The following KDM2B variants were observed in gnomAD, a reference collection of about 807,000 sequenced individuals.
KDM2B encodes the protein lysine-specific demethylase 2B.
In KDM2B, 26 loss-of-function variants were observed where a neutral mutation model predicts 150.0. The observed-to-expected ratio is 0.17, with a 90% CI of 0.13 to 0.24. KDM2B has a LOEUF of 0.24. Among genes scored for constraint, KDM2B ranks in the 10% least tolerant of loss-of-function variants. The pLI is 1.00. For synonymous variants in KDM2B, 734 were observed against 729.5 expected (o/e 1.01, Z -0.10); for missense variants, 1,265 against 1,816.9 (o/e 0.70, Z 5.52).
rs76794696 is a variant in KDM2B, at chr12:121,522,681, C to T, written c.932-1581G>A. On this transcript the variant is annotated intron_variant, in intron 8 of 22. Coordinates refer to ENST00000377071, the MANE Select transcript of KDM2B (RefSeq NM_032590.5). The stretch of plus-strand genomic sequence containing the variant: ...TGGTCAATATGGCGAAACCCCGTCT[C>T]CACTAAAAATACAAAAATTAGCCAG... Among the ~76,000 whole-genome samples, 4 of 152,108 alleles carry T rather than the reference C, an allele frequency of 2.6e-5. No individual in the cohort carries two copies. The East Asian group carries it at 7.7e-4, about 29-fold the overall frequency.
intron 12 of KDM2B, chr12:121,469,572 T>G (rs1555295531): frequency 6.7e-6 from 1 of 149,840 alleles, no homozygotes; most frequent in Non-Finnish European, 1.5e-5. Context: ...GGGCCAAGAT[T>G]GTGCCACTGC....
chr12:121,572,155 G>A (rs1420401622), intron 4 of KDM2B, among the ~76,000 whole-genome samples: 3 of 152,102 alleles, frequency 2.0e-5, no homozygotes, highest in Non-Finnish European at 4.4e-5. Flanking sequence ...TCATAATCAC[G>A]CCGCTGCACT....
intron 4 of KDM2B, among the ~76,000 whole-genome samples, chr12:121,570,845 T>C (rs1417430086): frequency 1.3e-5 from 2 of 152,228 alleles, no homozygotes; most frequent in Non-Finnish European, 2.9e-5. Context: ...TGAAGATGCA[T>C]GTTCAACAAA....
rs1210042996 is a variant in KDM2B at position 121,453,080 on chromosome 12, G to GCCTGAATCTGC, written c.1959+39_1959+40insGCAGATTCAGG. The GCCTGAATCTGC allele has an allele frequency of 2.0e-6, 3 of 1,534,174 alleles. No homozygotes were observed. In the African/African-American group the frequency reaches 4.1e-5, roughly 21 times the overall value. Reference sequence around the variant, plus strand: ...CAGACACGCGGGCCGGCACGCAGGGGCCTGAATCGAGCGCAGGGCTGGGCG... The same window carrying GCCTGAATCTGC: ...CAGACACGCGGGCCGGCACGCAGGGGCCTGAATCTGCCCTGAATCGAGCGCAGGGCTGGGCG... On this transcript the variant is annotated intron_variant, in intron 13 of 22. Transcript: ENST00000377071. The surrounding 1 kb of genome is among the most constrained non-coding windows in gnomAD (Gnocchi z 6.4).
chr12:121,487,660 C>T (rs1317734525), intron 12 of KDM2B, among the ~76,000 whole-genome samples: 3 of 152,184 alleles, frequency 2.0e-5, no homozygotes, highest in African/African-American at 4.8e-5. Context: ...CTACCCTGAC[C>T]CAGTAGAGAA....
chr12:121,429,746 TCAAAA>T lies in KDM2B; in HGVS notation c.*537_*541del. On this transcript the variant is annotated 3_prime_UTR_variant, in exon 23 of 23. Transcript: ENST00000377071. ...AAGGAAATCAGGAAAATTGGCAATC[TCAAAA>T]CAATAAAAACACTGGTATGCATTCA... 1 of 470,454 alleles carries T rather than the reference TCAAAA, an allele frequency of 2.1e-6. No individual in the cohort carries two copies. The highest frequency in any genetic ancestry group is 3.7e-6 in the Non-Finnish European group (1 of 267,970). The allele number at this position is 470,454 out of a possible 1,614,324, so 29.1% of individuals were successfully genotyped here. A position where few individuals can be genotyped will look rare whatever the true frequency, so the allele number is the denominator to read the frequency against.
intron 22 of KDM2B, among the ~76,000 whole-genome samples, chr12:121,436,247 C>T (rs374980306): frequency 3.9e-5 from 6 of 152,308 alleles, no homozygotes; most frequent in South Asian, 4.1e-4. Context: ...TGTGGCCGGA[C>T]GCGGTGGCTC....
Position 121,442,219 on chromosome 12 carries a change from G to C in KDM2B, c.3222C>G (p.Phe1074Leu), listed in dbSNP as rs781933152. Residue 1074 changes from phenylalanine to leucine, a missense_variant, in exon 19 of 23, where the codon TTC (phenylalanine) becomes TTG (leucine). Phe to Leu is a conservative substitution (Grantham distance 22). Coordinates refer to ENST00000377071, the MANE Select transcript of KDM2B (RefSeq NM_032590.5). This position sits in a 1 kb window ranked among gnomAD's most constrained non-coding sequence, Gnocchi z 7.7. ...VMHREVWMAV[F>L]SYLSHQDLCV... ...ACAGGTCTTGGTGGCTGAGGTAGCTGAAGACGGCCATCCACACCTCCCTGT... is the reference window on the plus strand; with the variant it reads ...ACAGGTCTTGGTGGCTGAGGTAGCTCAAGACGGCCATCCACACCTCCCTGT... 117 of 1,613,324 alleles carry C rather than the reference G, an allele frequency of 7.3e-5. No individual in the cohort carries two copies. The highest frequency in any genetic ancestry group is 9.1e-5 in the Non-Finnish European group (107 of 1,180,036).
chr12:121,470,304 C>T (rs1880634395), intron 12 of KDM2B: 1 of 152,146 alleles, frequency 6.6e-6, no homozygotes, highest in East Asian at 1.9e-4. Context: ...AAAGTGCGGA[C>T]AAACAAAAAA....
chr12:121,581,262 G>C (rs1008890691), upstream of KDM2B: 3 of 218,166 alleles, frequency 1.4e-5, no homozygotes, highest in Admixed American at 1.2e-4. Context: ...CAGGAGCGAA[G>C]GGTAAGCCCT....
intron 12 of KDM2B, among the ~76,000 whole-genome samples, chr12:121,488,868 G>A (rs1013057321): frequency 3.3e-5 from 5 of 152,040 alleles, no homozygotes; most frequent in African/African-American, 7.2e-5. Flanking sequence ...GCAATGGCGC[G>A]ATCTTGGCTC....
intron 6 of KDM2B, among the ~76,000 whole-genome samples, chr12:121,545,001 T>A (rs1352670308): frequency 7.5e-6 from 1 of 133,292 alleles, no homozygotes; most frequent in Admixed American, 7.1e-5. Context: ...CGTGTGTCTG[T>A]GTCACTTCTC....
At chr12:121,496,072 T>G (rs1555300922) in intron 11 of KDM2B, among the ~76,000 whole-genome samples, 2 of 152,036 alleles carry the variant, frequency 1.3e-5, no homozygotes, top group Non-Finnish European at 2.9e-5. Flanking sequence ...ATCTAACAGC[T>G]AACTTACAGG....
At chr12:121,426,194 T>C (rs1053155069), downstream of KDM2B, among the ~76,000 whole-genome samples, 2 of 152,198 alleles carry the variant, frequency 1.3e-5, no homozygotes, top group African/African-American at 4.8e-5. Flanking sequence ...TTTAAAGCAG[T>C]TTAATGTTTA....
rs138022204 is a variant in KDM2B, at chr12:121,537,004, C to T, written c.684-2414G>A. 0.014 allele frequency among the ~76,000 whole-genome samples: 2,172 copies of T among 152,326 alleles called. 50 individuals carry two copies. Among genetic ancestry groups the T allele is most frequent in the African/African-American group, 0.049 (2,050 of 41,560 alleles). On this transcript the variant is annotated intron_variant, in intron 6 of 22. Transcript: ENST00000377071. The surrounding 1 kb of genome is among the most constrained non-coding windows in gnomAD (Gnocchi z 8.7). ...AAAGTTCTCCAAGTTGAGTCTGTGT[C>T]TGATCTGCCCTCTGGGTCACCCTCC...
Position 121,520,954 on chromosome 12 carries a change from C to T in KDM2B, c.1047+31G>A, listed in dbSNP as rs781888484. On this transcript the variant is annotated intron_variant, in intron 9 of 22. Transcript: ENST00000377071. The surrounding 1 kb of genome is among the most constrained non-coding windows in gnomAD (Gnocchi z 4.5). ...ACCGGCAGAGCTCAGGGGCCAGGCG[C>T]GCACGCGAGGACAGAAGGGAACCTC... 7 of 1,557,946 alleles carry T rather than the reference C, an allele frequency of 4.5e-6. No homozygotes were observed. The highest frequency in any genetic ancestry group is 1.7e-4 in the Middle Eastern group (1 of 5,868).
chr12:121,414,619 A>T, the KDM2B span, among the ~76,000 whole-genome samples: 1 of 152,244 alleles, frequency 6.6e-6, no homozygotes, highest in African/African-American at 2.4e-5. Context: ...CTCATTAAAA[A>T]TTATGTTTAG....
At chr12:121,483,120 G>A (rs555428693) in intron 12 of KDM2B, among the ~76,000 whole-genome samples, 17 of 151,636 alleles carry the variant, frequency 1.1e-4, no homozygotes, top group South Asian at 8.3e-4. Flanking sequence ...CCAGGATTGC[G>A]CCACTGCACT....
At chr12:121,516,387 A>T in intron 9 of KDM2B, 1 of 849,300 alleles carries the variant, frequency 1.2e-6, no homozygotes, top group Non-Finnish European at 1.7e-6. Context: ...CTGATGAAGG[A>T]ATTCAAATTT....
Sources: allele counts gnomAD v4.1 joint callset (sites outside exome capture counted in the v4.1 genomes callset), GRCh38; gene constraint gnomAD v4.1.1; non-coding constraint Gnocchi (gnomAD v3.1); transcripts MANE v1.5; gene names NCBI Gene and HGNC (gene_info 2026-07-23, HGNC 2026-07-21).